The following KCND2 variants were observed in gnomAD, a reference collection of about 807,000 sequenced individuals.
KCND2 encodes A-type voltage-gated potassium channel KCND2.
KCND2 carries 16 observed loss-of-function variants against 54.4 expected under a neutral mutation model. The observed-to-expected ratio is 0.29, with a 90% CI of 0.20 to 0.45. The LOEUF (loss-of-function observed/expected upper bound fraction) is 0.45, where lower values mean the gene tolerates loss of function less well. Among genes scored for constraint, KCND2 ranks in the 20% least tolerant of loss-of-function variants. KCND2 has a pLI of 1.00. For synonymous variants in KCND2, 317 were observed against 310.7 expected (o/e 1.02, Z -0.21); for missense variants, 486 against 824.2 (o/e 0.59, Z 5.02).
intron 1 of KCND2, among the ~76,000 whole-genome samples, chr7:120,357,839 T>C (rs1363938037): frequency 2.0e-5 from 3 of 152,140 alleles, no homozygotes; most frequent in Non-Finnish European, 4.4e-5. Flanking sequence ...TGAGTTCTGT[T>C]GGATTATGGA....
intron 1 of KCND2, among the ~76,000 whole-genome samples, chr7:120,509,113 C>T (rs1457074922): frequency 6.6e-6 from 1 of 151,902 alleles, no homozygotes; most frequent in African/African-American, 2.4e-5. Context: ...ACTGATTTTA[C>T]TTGTAATTAT....
chr7:120,670,798 C>T (rs548077382), intron 1 of KCND2, among the ~76,000 whole-genome samples: 2 of 151,882 alleles, frequency 1.3e-5, no homozygotes, highest in African/African-American at 4.8e-5. Context: ...TGCCTGTAGT[C>T]CCAGCTACTC....
At chr7:120,485,855 T>C (rs959722400) in intron 1 of KCND2, among the ~76,000 whole-genome samples, 1 of 152,204 alleles carries the variant, frequency 6.6e-6, no homozygotes. Flanking sequence ...AGGGACCTTG[T>C]GGTGGTGTTT....
chr7:120,322,357 T>C (rs887830731), intron 1 of KCND2, among the ~76,000 whole-genome samples: 5 of 152,064 alleles, frequency 3.3e-5, no homozygotes, highest in African/African-American at 1.2e-4. Context: ...CTCACGGATA[T>C]AAATTGCTTC....
At chr7:120,426,594 T>G (rs1801710420) in intron 1 of KCND2, among the ~76,000 whole-genome samples, 1 of 144,026 alleles carries the variant, frequency 6.9e-6, no homozygotes, top group African/African-American at 2.6e-5. Flanking sequence ...CTTTGTTTTT[T>G]TTTTTTTTTT....
intron 1 of KCND2, among the ~76,000 whole-genome samples, chr7:120,651,608 GCTGCACCCACTGTC>G (rs1422679976): frequency 6.6e-6 from 1 of 152,202 alleles, no homozygotes; most frequent in East Asian, 1.9e-4. Flanking sequence ...CGCTCGATGG[GCTGCACCCACTGTC>G]CTGCACCCAG....
intron 1 of KCND2, among the ~76,000 whole-genome samples, chr7:120,527,381 C>A (rs571836096): frequency 2.6e-4 from 40 of 152,110 alleles, no homozygotes; most frequent in African/African-American, 8.9e-4. Context: ...CTTAAAACTG[C>A]GAGACACCTG....
At chr7:120,298,827 C>T (rs754538202) in intron 1 of KCND2, among the ~76,000 whole-genome samples, 48 of 152,118 alleles carry the variant, frequency 3.2e-4, no homozygotes, top group East Asian at 1.3e-3. Flanking sequence ...CCTGTTATTG[C>T]GTTGGTTCTT....
At chr7:120,746,158 A>G in intron 5 of KCND2, 131 bp downstream of exon 5, 1 of 1,013,594 alleles carries the variant, frequency 9.9e-7, no homozygotes, top group Non-Finnish European at 1.5e-6. Flanking sequence ...CAAAAATGGT[A>G]GCGTAACAAG....
At chr7:120,504,875 G>A (rs1802991185) in intron 1 of KCND2, among the ~76,000 whole-genome samples, 2 of 151,320 alleles carry the variant, frequency 1.3e-5, no homozygotes, top group South Asian at 2.1e-4. Context: ...CATGAATATC[G>A]GTATACTCTT....
chr7:120,696,017 T>C (rs1171120038), intron 1 of KCND2, among the ~76,000 whole-genome samples: 2 of 152,188 alleles, frequency 1.3e-5, no homozygotes, highest in Non-Finnish European at 2.9e-5. Flanking sequence ...TTTTATTTAA[T>C]AGCTTCAATG....
intron 1 of KCND2, among the ~76,000 whole-genome samples, chr7:120,728,920 G>A (rs1792770899): frequency 6.6e-6 from 1 of 152,090 alleles, no homozygotes; most frequent in Admixed American, 6.6e-5. Flanking sequence ...AAGTTGCCTA[G>A]GATATAAATA....
Position 120,440,318 on chromosome 7 carries a change from T to C in KCND2, c.1115+164571T>C, listed in dbSNP as rs1801929595. On this transcript the variant is annotated intron_variant, in intron 1 of 5. Transcript: ENST00000331113. The stretch of plus-strand genomic sequence containing the variant: ...ATAAAAGTTTATTCATATATTTTGC[T>C]TTTTAAAAATCAGATTATTTAGGGT... 4.6e-5 allele frequency among the ~76,000 whole-genome samples: 7 copies of C among 152,172 alleles called. No homozygotes were observed. The South Asian group carries it at 1.4e-3, about 31-fold the overall frequency.
At chr7:120,563,497 T>C (rs1010539160) in intron 1 of KCND2, among the ~76,000 whole-genome samples, 1 of 152,192 alleles carries the variant, frequency 6.6e-6, no homozygotes, top group Non-Finnish European at 1.5e-5. Context: ...CAAACTGCTT[T>C]CAATTCTGCT....
intron 1 of KCND2, among the ~76,000 whole-genome samples, chr7:120,652,186 C>T (rs1017811383): frequency 6.6e-6 from 1 of 152,094 alleles, no homozygotes; most frequent in Admixed American, 6.5e-5. Context: ...AGTGATTCCC[C>T]TGCCTCAGCC....
intron 1 of KCND2, among the ~76,000 whole-genome samples, chr7:120,542,466 G>T (rs1214143968): frequency 6.6e-6 from 1 of 151,928 alleles, no homozygotes; most frequent in Non-Finnish European, 1.5e-5. Context: ...CTACATAATT[G>T]CATGTAAAAT....
intron 1 of KCND2, among the ~76,000 whole-genome samples, chr7:120,523,038 A>G (rs1422724067): frequency 6.6e-6 from 1 of 152,170 alleles, no homozygotes; most frequent in African/African-American, 2.4e-5. Flanking sequence ...ATGTAGGTGA[A>G]CGATACAGAT....
At chr7:120,396,938 C>T (rs898013057) in intron 1 of KCND2, among the ~76,000 whole-genome samples, 2 of 151,978 alleles carry the variant, frequency 1.3e-5, no homozygotes, top group East Asian at 1.9e-4. Flanking sequence ...TAAAATGTCC[C>T]TCTAGGCTTT....
intron 1 of KCND2, among the ~76,000 whole-genome samples, chr7:120,504,342 G>A (rs536352436): frequency 3.3e-5 from 5 of 151,956 alleles, no homozygotes; most frequent in East Asian, 3.9e-4. Flanking sequence ...ACAGTGAAGC[G>A]TGGAACATGC....
Sources: allele counts gnomAD v4.1 joint callset (sites outside exome capture counted in the v4.1 genomes callset), GRCh38; gene constraint gnomAD v4.1.1; transcripts MANE v1.5; gene names NCBI Gene and HGNC (gene_info 2026-07-23, HGNC 2026-07-21).